The following NRP2 variants were observed in gnomAD, a reference collection of about 807,000 sequenced individuals.
The protein encoded by NRP2 is neuropilin 2, also known as neuropilin-2.
In NRP2, 52 loss-of-function variants were observed where a neutral mutation model predicts 110.4. That is an observed-to-expected ratio of 0.47 (90% CI 0.38 to 0.59). The LOEUF is 0.59. Among genes scored for constraint, NRP2 ranks in the 20% least tolerant of loss-of-function variants. The pLI is 0.00. For missense variants in NRP2, 1,049 were observed against 1,203.0 expected (o/e 0.87, Z 1.89); for synonymous variants, 508 against 468.9 (o/e 1.08, Z -1.08).
chr2:205,754,501 G>A (rs1012002466), intron 12 of NRP2, among the ~76,000 whole-genome samples: 1 of 152,122 alleles, frequency 6.6e-6, no homozygotes, highest in Non-Finnish European at 1.5e-5. Flanking sequence ...CACAGCCTCA[G>A]GCAAAAGAAG....
At chr2:205,776,759 A>C in intron 15 of NRP2, 7 of 1,433,210 alleles carry the variant, frequency 4.9e-6, no homozygotes, top group East Asian at 5.3e-5. Context: ...CCCAACTCTA[A>C]TGCTGCATCT....
chr2:205,684,192 C>T (rs72939353), intron 1 of NRP2, among the ~76,000 whole-genome samples: 13,501 of 152,068 alleles, frequency 0.089, 695 homozygotes, highest in Non-Finnish European at 0.12. Context: ...AGTCTGGGGA[C>T]CGCATTTGTG....
intron 3 of NRP2, among the ~76,000 whole-genome samples, chr2:205,719,006 CAG>C (rs2056958717): frequency 1.3e-5 from 2 of 150,186 alleles, no homozygotes; most frequent in Non-Finnish European, 1.5e-5. Flanking sequence ...AAATTCAAAA[CAG>C]AGAAGTTTAG....
chr2:205,691,595 T>A (rs2105873681), intron 1 of NRP2, among the ~76,000 whole-genome samples: 1 of 152,352 alleles, frequency 6.6e-6, no homozygotes, highest in Non-Finnish European at 1.5e-5. Flanking sequence ...CTTCAGTTAA[T>A]CAAAATAAAT....
At chr2:205,736,256 T>C (rs2057340439) in intron 7 of NRP2, among the ~76,000 whole-genome samples, 1 of 152,214 alleles carries the variant, frequency 6.6e-6, no homozygotes, top group East Asian at 1.9e-4. Flanking sequence ...GCAGGAGAAT[T>C]GCTTGAAACC....
chr2:205,700,872 C>A (rs2105895712), intron 2 of NRP2: 3 of 402,760 alleles, frequency 7.4e-6, no homozygotes, highest in South Asian at 3.6e-5. Flanking sequence ...TGTATAGAAG[C>A]TGTGGGCAGA....
intron 14 of NRP2, 115 bp downstream of exon 14, chr2:205,765,685 A>G: frequency 1.1e-6 from 1 of 885,820 alleles, no homozygotes; most frequent in Non-Finnish European, 1.9e-6. Context: ...TGGGTGGGGC[A>G]GCCACAGTCT....
At position 205,697,734 on chromosome 2, in the gene NRP2, C is replaced by T; in HGVS notation, c.251+13C>T. On this transcript the variant is annotated intron_variant, in intron 2 of 16. Transcript: ENST00000357785. ...AGCACGACTGCAAGTAAGCACCGTC[C>T]TGTCCCACTGTGTATCCCATCCATG... is the stretch of plus-strand genomic sequence containing the variant. The T allele has an allele frequency of 6.2e-7, 1 of 1,613,504 alleles. No individual in the cohort carries two copies. Among genetic ancestry groups the T allele is most frequent in the Non-Finnish European group, 8.5e-7 (1 of 1,179,584 alleles).
intron 9 of NRP2, among the ~76,000 whole-genome samples, chr2:205,745,002 T>G (rs1269629204): frequency 6.6e-6 from 1 of 152,214 alleles, no homozygotes; most frequent in African/African-American, 2.4e-5. Flanking sequence ...GGAGCGGTCC[T>G]GCTGAATTTC....
At chr2:205,706,329 G>T (rs1384051304) in intron 2 of NRP2, among the ~76,000 whole-genome samples, 2 of 152,142 alleles carry the variant, frequency 1.3e-5, no homozygotes, top group African/African-American at 4.8e-5. Context: ...GAACGAGGGG[G>T]GAAATGGTGG....
Position 205,733,566 on chromosome 2 carries a change from C to T in NRP2, c.1146+5520C>T, listed in dbSNP as rs78100151. 6.0e-4 allele frequency among the ~76,000 whole-genome samples: 91 copies of T among 152,268 alleles called. 1 individual carries two copies. In the East Asian group the frequency reaches 0.018, roughly 29 times the overall value. On this transcript the variant is annotated intron_variant, in intron 7 of 16. Coordinates refer to ENST00000357785, the MANE Select transcript of NRP2 (RefSeq NM_003872.3). ...GGCAGGTGGCAGAGGTCTCTGGAACCTCACTCCCTGTTCCCTCAATCTCTC... is the reference window on the plus strand; with the variant it reads ...GGCAGGTGGCAGAGGTCTCTGGAACTTCACTCCCTGTTCCCTCAATCTCTC...
intron 2 of NRP2, 122 bp from the exon 3 acceptor site, chr2:205,716,071 G>A (rs937187718): frequency 1.5e-5 from 16 of 1,046,692 alleles, no homozygotes; most frequent in African/African-American, 3.1e-5. Context: ...AGTGCCCTTC[G>A]CTTATCCATC....
chr2:205,724,046 A>G, intron 5 of NRP2, 106 bp downstream of exon 5: 2 of 1,300,108 alleles, frequency 1.5e-6, no homozygotes, highest in Non-Finnish European at 2.2e-6. Flanking sequence ...TGGGAACTCT[A>G]CGGAATTTAT....
At position 205,722,532 on chromosome 2, in the gene NRP2, C is replaced by T. The variant is rs1335392634; in HGVS notation, c.488C>T (p.Pro163Leu). ...AGCCCCAACGGGACCATCGAATCTC[C>T]TGGGTTTCCTGAGAAGTATCCACAC... ...FTSPNGTIESPGFPEKYPHNL... is the reference protein window; with the variant it reads ...FTSPNGTIESLGFPEKYPHNL... The change falls in exon 4 of 17, where the codon CCT becomes CTT. Residue 163 changes from proline to leucine, a missense_variant. Coordinates refer to ENST00000357785, the MANE Select transcript of NRP2 (RefSeq NM_003872.3). The T allele has an allele frequency of 1.2e-6, 2 of 1,614,096 alleles. No individual in the cohort carries two copies. Among genetic ancestry groups the T allele is most frequent in the Admixed American group, 1.7e-5 (1 of 60,012 alleles).
chr2:205,781,840 A>T (rs1428545381), intron 15 of NRP2, among the ~76,000 whole-genome samples: 1 of 152,196 alleles, frequency 6.6e-6, no homozygotes, highest in Non-Finnish European at 1.5e-5. Context: ...CCTCATACAA[A>T]TAAATTAGTA....
intron 15 of NRP2, chr2:205,767,472 C>T (rs1032819524): frequency 2.0e-6 from 1 of 512,762 alleles, no homozygotes; most frequent in Non-Finnish European, 3.9e-6. Flanking sequence ...AGCTAGAGCA[C>T]TTTAAATGCA....
intron 15 of NRP2, among the ~76,000 whole-genome samples, chr2:205,787,870 G>A (rs761823700): frequency 6.6e-6 from 1 of 152,084 alleles, no homozygotes; most frequent in Non-Finnish European, 1.5e-5. Context: ...GTGTCTTGGG[G>A]GTGTTTCCCC....
chr2:205,729,056 G>A (rs1388462067), intron 7 of NRP2, among the ~76,000 whole-genome samples: 1 of 152,214 alleles, frequency 6.6e-6, no homozygotes, highest in Non-Finnish European at 1.5e-5. Context: ...AGCCTAGGGA[G>A]GCCAAAGATC....
At chr2:205,776,609 C>T in intron 15 of NRP2, 1 of 1,597,710 alleles carries the variant, frequency 6.3e-7, no homozygotes, top group Non-Finnish European at 8.5e-7. Context: ...TTCTCCTCGC[C>T]TAGTTTCTGT....
Sources: gnomAD v4.1 joint callset for allele counts (sites outside exome capture counted in the v4.1 genomes callset) on GRCh38, gnomAD v4.1.1 for gene constraint, MANE v1.5 for transcripts, NCBI Gene and HGNC (gene_info 2026-07-23, HGNC 2026-07-21) for gene names.